The following VRTN variants were observed in gnomAD, a reference collection of about 807,000 sequenced individuals.
VRTN encodes vertnin.
In VRTN, 5 loss-of-function variants were observed where a neutral mutation model predicts 18.2. The ratio of observed to expected loss-of-function variants is 0.27; its 90% CI spans 0.14 to 0.58. VRTN has a LOEUF of 0.58. Ranked by LOEUF, VRTN falls within the 20% of genes least tolerant of loss-of-function variation. VRTN has a pLI of 0.91. For missense variants in VRTN, 741 were observed against 939.4 expected, an observed-to-expected ratio of 0.79 and a Z score of 2.76; for synonymous variants, 381 against 393.7, an observed-to-expected ratio of 0.97 and a Z score of 0.38.
chr14:74,344,732 C>CT, upstream of VRTN, among the ~76,000 whole-genome samples: 1 of 7,940 alleles, frequency 1.3e-4, no homozygotes, highest in East Asian at 3.3e-3. Context: ...GAGACTCTGA[C>CT]TAAAAAAAAA....
In VRTN at chr14:74,356,823, G is replaced by C; in HGVS notation, c.40G>C (p.Glu14Gln). Residue 14 changes from glutamate to glutamine, a missense_variant, in exon 2 of 2, where the codon GAG becomes CAG. Around this residue, in one of 3 missense-constraint regions of VRTN, gnomAD observed 186 missense variants for 288.3 expected, o/e 0.65. Transcript: ENST00000256362. ...RNQLVQKVLQ[E>Q]LQEAVECEGL... Reference sequence around the variant, plus strand: ...CCAGCTGGTGCAGAAGGTGCTGCAGGAGCTGCAGGAAGCAGTGGAGTGCGA... The same window carrying C: ...CCAGCTGGTGCAGAAGGTGCTGCAGCAGCTGCAGGAAGCAGTGGAGTGCGA... 1.9e-6 allele frequency: 3 copies of C among 1,609,736 alleles called. No individual in the cohort carries two copies. The highest frequency in any genetic ancestry group is 1.7e-6 in the Non-Finnish European group (2 of 1,177,872).
rs111606805 is a variant in VRTN at position 74,304,187 on chromosome 14, G to A, written c.-164+1011G>A. On this transcript the variant is annotated intron_variant, in intron 1 of 2. Coordinates refer to the VRTN transcript ENST00000557177. The stretch of plus-strand genomic sequence containing the variant: ...TTGTTTTTGTTTTAGACGGAGTTTC[G>A]CTCTTGTGGCTCAGGCTGGAGTGCA... Among the ~76,000 whole-genome samples the A allele has an allele frequency of 8.8e-3, 1,332 of 151,418 alleles. 21 individuals carry two copies. The highest frequency in any genetic ancestry group is 0.031 in the African/African-American group (1,259 of 41,228).
rs1161175103 is a variant in VRTN at position 74,319,975 on chromosome 14, A to C, written c.-164+16799A>C. Among the ~76,000 whole-genome samples, 4 of 152,176 alleles carry C rather than the reference A, an allele frequency of 2.6e-5. No homozygotes were observed. The East Asian group carries it at 7.7e-4, about 29-fold the overall frequency. ...TTCAAGAAGCAAGCCCTGGCTGGGC[A>C]CGGTGGCTCATGCCTGTAATCCCAG... On this transcript the variant is annotated intron_variant, in intron 1 of 2. Transcript: ENST00000557177.
intron 1 of VRTN, among the ~76,000 whole-genome samples, chr14:74,318,345 A>G: frequency 6.6e-6 from 1 of 150,712 alleles, no homozygotes; most frequent in East Asian, 1.9e-4. Flanking sequence ...ATCTCGGCTC[A>G]CCGCAACCTC....
chr14:74,345,354 T>G (rs1413291655), upstream of VRTN, among the ~76,000 whole-genome samples: 1 of 145,232 alleles, frequency 6.9e-6, no homozygotes, highest in Admixed American at 6.8e-5. Context: ...CTATTTTTTT[T>G]TTTTTTTTTT....
rs61730671 is a variant in VRTN at position 74,357,540 on chromosome 14, G to C, written c.757G>C (p.Gly253Arg). 6.2e-7 allele frequency: 1 copy of C among 1,613,672 alleles called. No homozygotes were observed. Among genetic ancestry groups the C allele is most frequent in the Non-Finnish European group, 8.5e-7 (1 of 1,180,016 alleles). The change falls in exon 2 of 2, where the codon GGC becomes CGC. Residue 253 changes from glycine (G) to arginine (R), a missense_variant. By Grantham distance (125) the Gly-to-Arg change is moderately radical. This residue lies in a region of VRTN where 494 missense variants were observed against 546.5 expected (regional missense o/e 0.90). Transcript: ENST00000256362. This position sits in a 1 kb window ranked among gnomAD's most constrained non-coding sequence, Gnocchi z 7.8. ...AGAGGTGGAGGCTGAAGGTGCCCCT[G>C]GCGTGGCCCCAGCTCTTCCAGCCCT... ...LEEVEAEGAP[G>R]VAPALPALAP...
intron 1 of VRTN, among the ~76,000 whole-genome samples, chr14:74,331,868 G>A (rs1365246796): frequency 4.6e-5 from 7 of 151,884 alleles, no homozygotes; most frequent in Admixed American, 2.0e-4. Context: ...TCCAAATTCC[G>A]TACTTTGTTC....
At chr14:74,340,575 C>T (rs1466869417) in intron 2 of VRTN, among the ~76,000 whole-genome samples, 1 of 152,050 alleles carries the variant, frequency 6.6e-6, no homozygotes, top group Non-Finnish European at 1.5e-5. Context: ...AACTCTCACA[C>T]TCTAAAGTCT....
chr14:74,358,035 C>T lies in VRTN; in HGVS notation c.1252C>T (p.Leu418=), dbSNP rs774629073. The part of the protein sequence containing the change: ...YLEHCISLNT[L]VPYRCFKRRF... ...GGAGCATTGCATCTCCCTGAACACACTGGTACCCTATCGCTGCTTCAAACG... is the reference window on the plus strand; with the variant it reads ...GGAGCATTGCATCTCCCTGAACACATTGGTACCCTATCGCTGCTTCAAACG... Residue 418 remains leucine (L), a synonymous_variant, in exon 2 of 2, where the codon CTG becomes TTG. Coordinates refer to ENST00000256362, the MANE Select transcript of VRTN (RefSeq NM_018228.3). The surrounding 1 kb of genome is among the most constrained non-coding windows in gnomAD (Gnocchi z 5.4). 1 of 1,614,236 alleles carries T rather than the reference C, an allele frequency of 6.2e-7. No individual in the cohort carries two copies. Among genetic ancestry groups the T allele is most frequent in the Non-Finnish European group, 8.5e-7 (1 of 1,180,034 alleles).
Position 74,357,932 on chromosome 14 carries a change from TGAG to T in VRTN, c.1156_1158del (p.Glu386del). 1 of 1,614,158 alleles carries T rather than the reference TGAG, an allele frequency of 6.2e-7. No homozygotes were observed. Among genetic ancestry groups the T allele is most frequent in the Non-Finnish European group, 8.5e-7 (1 of 1,180,024 alleles). The stretch of plus-strand genomic sequence containing the variant: ...AGAAGCTGCCGGAGGAGCAGGTGGC[TGAG>T]GAGGAGCTGGAGTGCTCCGCACTGG... On this transcript the variant is annotated inframe_deletion, in exon 2 of 2. Coordinates refer to ENST00000256362, the MANE Select transcript of VRTN (RefSeq NM_018228.3). The surrounding 1 kb of genome is among the most constrained non-coding windows in gnomAD (Gnocchi z 7.8).
Position 74,316,058 on chromosome 14 carries a change from CT to C in VRTN, c.-164+12883del, listed in dbSNP as rs2085417885. On this transcript the variant is annotated intron_variant, in intron 1 of 2. Transcript: ENST00000557177. ...AAAGGAGCTGATAGCTGAAGGCTGT[CT>C]GCTTACGGCACTCCCAGCAGCTGGG... Among the ~76,000 whole-genome samples, 9 of 152,302 alleles carry C rather than the reference CT, an allele frequency of 5.9e-5. No homozygotes were observed. The South Asian group carries it at 1.9e-3, about 32-fold the overall frequency.
chr14:74,348,592 G>A lies in VRTN; in HGVS notation c.-62G>A, dbSNP rs918008828. ...CCTTTCCCCACAGGGTGACTTAAAT[G>A]TCCCAGGCTGGAAGGTGGAGCGAGA... On this transcript the variant is annotated 5_prime_UTR_variant, in exon 1 of 2. An upstream start codon of the reference 5' UTR is lost. Transcript: ENST00000256362. 2.6e-5 allele frequency: 4 copies of A among 152,340 alleles called. No homozygotes were observed. The highest frequency in any genetic ancestry group is 9.7e-5 in the African/African-American group (4 of 41,442). The allele number at this position is 152,340 out of a possible 1,614,324, so 9.4% of individuals were successfully genotyped here.
intron 1 of VRTN, among the ~76,000 whole-genome samples, chr14:74,353,362 T>C (rs2085699939): frequency 6.6e-6 from 1 of 152,210 alleles, no homozygotes; most frequent in South Asian, 2.1e-4. Context: ...TTAACTTCAG[T>C]TGCCTCAGTT....
intron 1 of VRTN, among the ~76,000 whole-genome samples, chr14:74,307,328 C>G (rs12883793): frequency 0.3 from 44,709 of 151,422 alleles, 7,124 homozygotes; most frequent in Middle Eastern, 0.56. Flanking sequence ...TGGAGTTTCA[C>G]CATGTTGGCT....
intron 1 of VRTN, among the ~76,000 whole-genome samples, chr14:74,353,110 C>T (rs1456733627): frequency 1.3e-5 from 2 of 151,940 alleles, no homozygotes; most frequent in South Asian, 2.1e-4. Flanking sequence ...ACCACCCTGT[C>T]GGACATGGTG....
Position 74,357,549 on chromosome 14 carries a change from C to T in VRTN, c.766C>T (p.Pro256Ser). The stretch of plus-strand genomic sequence containing the variant: ...GGCTGAAGGTGCCCCTGGCGTGGCC[C>T]CAGCTCTTCCAGCCCTGGCCCCACT... ...VEAEGAPGVA[P>S]ALPALAPLSS... Residue 256 changes from proline (P) to serine (S), a missense_variant, in exon 2 of 2, where the codon CCA (proline) becomes TCA (serine). This residue lies in a region of VRTN where 494 missense variants were observed against 546.5 expected (regional missense o/e 0.90). Transcript: ENST00000256362. The surrounding 1 kb of genome is among the most constrained non-coding windows in gnomAD (Gnocchi z 7.8). The T allele has an allele frequency of 6.2e-7, 1 of 1,613,794 alleles. No homozygotes were observed. Among genetic ancestry groups the T allele is most frequent in the Non-Finnish European group, 8.5e-7 (1 of 1,180,012 alleles).
rs1358632570 is a variant in VRTN, at chr14:74,359,809, T to A, written c.*917T>A. ...AGAGTCTCTGCTTGTGGGTGCTTGATCCACCTGCTGGGACCCTGCAGTCCT... is the reference window on the plus strand; with the variant it reads ...AGAGTCTCTGCTTGTGGGTGCTTGAACCACCTGCTGGGACCCTGCAGTCCT... On this transcript the variant is annotated 3_prime_UTR_variant, in exon 2 of 2. Coordinates refer to ENST00000256362, the MANE Select transcript of VRTN (RefSeq NM_018228.3). The A allele has an allele frequency of 6.0e-6, 1 of 166,934 alleles. No homozygotes were observed. The highest frequency in any genetic ancestry group is 2.4e-5 in the African/African-American group (1 of 41,356). The allele number at this position is 166,934 out of a possible 1,614,324, so 10.3% of individuals were successfully genotyped here. A position where few individuals can be genotyped will look rare whatever the true frequency, so the allele number is the denominator to read the frequency against.
intron 2 of VRTN, among the ~76,000 whole-genome samples, chr14:74,340,960 T>C (rs371504485): frequency 2.0e-5 from 3 of 151,824 alleles, no homozygotes; most frequent in Non-Finnish European, 2.9e-5. Flanking sequence ...GCCAGGATGG[T>C]CTTGATCTCC....
upstream of VRTN, among the ~76,000 whole-genome samples, chr14:74,343,857 G>C (rs1289941602): frequency 6.6e-6 from 1 of 151,730 alleles, no homozygotes; most frequent in Non-Finnish European, 1.5e-5. Flanking sequence ...GTACAGTGGC[G>C]TGATCTCGGC....
Sources: gnomAD v4.1 joint callset for allele counts (sites outside exome capture counted in the v4.1 genomes callset) on GRCh38, gnomAD v4.1.1 for gene constraint, gnomAD v4.1.1 regional missense constraint, Gnocchi (gnomAD v3.1) non-coding constraint, MANE v1.5 for transcripts, NCBI Gene and HGNC (gene_info 2026-07-23, HGNC 2026-07-21) for gene names.